The following PDE8A variants were observed in gnomAD, a reference collection of about 807,000 sequenced individuals.
PDE8A encodes the protein high affinity cAMP-specific and IBMX-insensitive 3',5'-cyclic phosphodiesterase 8A.
PDE8A carries 59 observed loss-of-function variants against 105.0 expected under a neutral mutation model. The observed-to-expected ratio is 0.56, with a 90% confidence interval of 0.46 to 0.70. The LOEUF is 0.70. Among genes scored for constraint, PDE8A ranks in the 30% least tolerant of loss-of-function variants. The probability of loss-of-function intolerance (pLI) is 0.00; values close to 1 mark genes in which losing one functional copy is unlikely to be tolerated. For synonymous variants in PDE8A, 355 were observed against 371.9 expected, an observed-to-expected ratio of 0.95 and a Z score of 0.52; for missense variants, 1,014 against 1,045.9, an observed-to-expected ratio of 0.97 and a Z score of 0.42.
chr15:85,103,143 A>G lies in PDE8A; in HGVS notation c.1036+2945A>G, dbSNP rs933180773. 4.9e-4 allele frequency among the ~76,000 whole-genome samples: 74 copies of G among 151,862 alleles called. 1 individual carries two copies. The highest frequency in any genetic ancestry group is 1.5e-5 in the Non-Finnish European group (1 of 67,950). ...AGGCTGAGGCACGAGAATTGCTTGA[A>G]CCTAGGAGGCAGAGGCTGCAGTGAG... On this transcript the variant is annotated intron_variant, in intron 11 of 21. Transcript: ENST00000394553.
intron 1 of PDE8A, among the ~76,000 whole-genome samples, chr15:85,035,243 T>C (rs549252170): frequency 7.1e-6 from 1 of 140,034 alleles, no homozygotes; most frequent in East Asian, 2.2e-4. Flanking sequence ...TGTTTCCCTC[T>C]TGTCACCCAG....
rs192869498 is a variant in PDE8A, at chr15:85,088,271, C to T, written c.636-1067C>T. Reference sequence around the variant, plus strand: ...AACTGCTGACCTCAGGTGATCCACCCGCCTCAGCCTCCCAAAGTGTTGGGA... The same window carrying T: ...AACTGCTGACCTCAGGTGATCCACCTGCCTCAGCCTCCCAAAGTGTTGGGA... On this transcript the variant is annotated intron_variant, in intron 6 of 21. Coordinates refer to ENST00000394553, the MANE Select transcript of PDE8A (RefSeq NM_002605.3). 3.9e-5 allele frequency among the ~76,000 whole-genome samples: 6 copies of T among 152,322 alleles called. No homozygotes were observed. In the South Asian group the frequency reaches 8.3e-4, roughly 21 times the overall value.
chr15:85,009,970 C>T (rs1434301716), intron 1 of PDE8A, among the ~76,000 whole-genome samples: 1 of 152,186 alleles, frequency 6.6e-6, no homozygotes, highest in Non-Finnish European at 1.5e-5. Flanking sequence ...CTACATGCAA[C>T]ACCATGCATG....
intron 1 of PDE8A, among the ~76,000 whole-genome samples, chr15:85,024,547 C>CAAAAAT (rs2080481910): frequency 6.8e-6 from 1 of 146,036 alleles, no homozygotes; most frequent in South Asian, 2.1e-4. Context: ...CTTGCTTAGG[C>CAAAAAT]TTTTTTTTTT....
chr15:85,022,051 A>G (rs144842663), intron 1 of PDE8A, among the ~76,000 whole-genome samples: 1 of 152,346 alleles, frequency 6.6e-6, no homozygotes, highest in African/African-American at 2.4e-5. Flanking sequence ...AATTCTCTTA[A>G]TCATTAAGCT....
chr15:85,123,391 G>A (rs1199587431), intron 19 of PDE8A, among the ~76,000 whole-genome samples, 198 bp downstream of exon 19: 2 of 134,388 alleles, frequency 1.5e-5, no homozygotes, highest in African/African-American at 5.8e-5. Flanking sequence ...CACACAAAGG[G>A]GAGTTTATTA....
In PDE8A at chr15:85,037,299, A is replaced by T. The variant is rs376452119; in HGVS notation, c.187-27071A>T. 4.6e-5 allele frequency among the ~76,000 whole-genome samples: 7 copies of T among 152,114 alleles called. No homozygotes were observed. The East Asian group carries it at 9.6e-4, about 21-fold the overall frequency. ...ACACTGGTCTCAAACTCCCAACCTCAGGTGATCTGCCCGCCTCTGCCTCCC... is the reference window on the plus strand; with the variant it reads ...ACACTGGTCTCAAACTCCCAACCTCTGGTGATCTGCCCGCCTCTGCCTCCC... On this transcript the variant is annotated intron_variant, in intron 1 of 21. Coordinates refer to ENST00000394553, the MANE Select transcript of PDE8A (RefSeq NM_002605.3).
intron 1 of PDE8A, among the ~76,000 whole-genome samples, chr15:84,983,381 G>A (rs1163423324): frequency 6.6e-6 from 1 of 152,162 alleles, no homozygotes; most frequent in Non-Finnish European, 1.5e-5. Context: ...TTCCTTGCTT[G>A]CTGAGAACTG....
chr15:85,138,191 T>C lies in PDE8A; in HGVS notation c.*288T>C, dbSNP rs1259789915. 9.7e-6 allele frequency: 3 copies of C among 308,410 alleles called. No individual in the cohort carries two copies. The highest frequency in any genetic ancestry group is 6.3e-5 in the African/African-American group (3 of 47,386). 19.1% of individuals were successfully genotyped at this position (308,410 alleles called of 1,614,324 possible). A position where few individuals can be genotyped will look rare whatever the true frequency, so the allele number is the denominator to read the frequency against. Reference sequence around the variant, plus strand: ...TTCTGGTAAAACACAAGGTCTGGAGTGCCCCTGCAAAGGGTATTGATGGAC... The same window carrying C: ...TTCTGGTAAAACACAAGGTCTGGAGCGCCCCTGCAAAGGGTATTGATGGAC... On this transcript the variant is annotated 3_prime_UTR_variant, in exon 22 of 22. Coordinates refer to ENST00000394553, the MANE Select transcript of PDE8A (RefSeq NM_002605.3).
At chr15:85,128,688 A>G (rs377219701) in intron 20 of PDE8A, among the ~76,000 whole-genome samples, 15 of 152,240 alleles carry the variant, frequency 9.9e-5, no homozygotes, top group East Asian at 3.8e-4. Context: ...CTCAGTAGTA[A>G]AAGATAAACC....
chr15:85,009,282 G>A (rs2080202845), intron 1 of PDE8A, among the ~76,000 whole-genome samples: 1 of 152,154 alleles, frequency 6.6e-6, no homozygotes, highest in Non-Finnish European at 1.5e-5. Flanking sequence ...GTTAATGTAA[G>A]AGATGTAAAA....
At chr15:85,040,430 TTTTTG>T (rs1369044863) in intron 1 of PDE8A, among the ~76,000 whole-genome samples, 5 of 151,802 alleles carry the variant, frequency 3.3e-5, no homozygotes, top group African/African-American at 1.2e-4. Flanking sequence ...AAGTCTCCTC[TTTTTG>T]TTTTATTTCT....
At chr15:85,073,132 G>T (rs1332455564) in intron 3 of PDE8A, among the ~76,000 whole-genome samples, 3 of 152,106 alleles carry the variant, frequency 2.0e-5, no homozygotes, top group Non-Finnish European at 4.4e-5. Context: ...AGTGGGGTGG[G>T]TGGGGACTTC....
chr15:85,046,065 C>CTTTTTTT (rs34486009), intron 1 of PDE8A, among the ~76,000 whole-genome samples: 1 of 124,448 alleles, frequency 8.0e-6, no homozygotes, highest in Non-Finnish European at 1.7e-5. Flanking sequence ...CTTTCTGTTT[C>CTTTTTTT]TTTTTTTTTT....
chr15:85,118,456 C>A (rs1237180548), intron 17 of PDE8A, among the ~76,000 whole-genome samples: 1 of 152,192 alleles, frequency 6.6e-6, no homozygotes, highest in Non-Finnish European at 1.5e-5. Context: ...CCTTTCGCAT[C>A]TGGGCAGTTC....
chr15:85,019,943 G>GTTTTTTTTTTTT (rs201634002), intron 1 of PDE8A, among the ~76,000 whole-genome samples: 22 of 64,756 alleles, frequency 3.4e-4, no homozygotes, highest in East Asian at 5.8e-4. Context: ...TTTTTTTTTG[G>GTTTTTTTTTTTT]TTTTTTTTTT....
chr15:85,052,406 C>A (rs1264440063), intron 1 of PDE8A, among the ~76,000 whole-genome samples: 1 of 152,194 alleles, frequency 6.6e-6, no homozygotes, highest in East Asian at 1.9e-4. Context: ...ACACTGTCTT[C>A]CACAGTGGTT....
chr15:84,982,207 C>G lies in PDE8A; in HGVS notation c.45C>G (p.Ala15=). The G allele has an allele frequency of 6.7e-7, 1 of 1,484,394 alleles. No individual in the cohort carries two copies. The highest frequency in any genetic ancestry group is 8.9e-7 in the Non-Finnish European group (1 of 1,126,716). 92.0% of individuals were successfully genotyped at this position (1,484,394 alleles called of 1,614,324 possible). A position where few individuals can be genotyped will look rare whatever the true frequency, so the allele number is the denominator to read the frequency against. ...PSIHISERLV[A]EDAPSPAAPP... ...TCCACATTTCCGAGCGCCTGGTGGC[C>G]GAGGACGCGCCTAGCCCCGCGGCAC... The change falls in exon 1 of 22, where the codon GCC becomes GCG. Residue 15 remains alanine, a synonymous_variant. Coordinates refer to ENST00000394553, the MANE Select transcript of PDE8A (RefSeq NM_002605.3).
intron 17 of PDE8A, among the ~76,000 whole-genome samples, chr15:85,118,349 C>T (rs1194091460): frequency 1.3e-5 from 2 of 152,120 alleles, no homozygotes; most frequent in Non-Finnish European, 2.9e-5. Flanking sequence ...ACTCCTCAAC[C>T]CCCCACATCT....
Sources: gnomAD v4.1 joint callset for allele counts (sites outside exome capture counted in the v4.1 genomes callset) on GRCh38, gnomAD v4.1.1 for gene constraint, MANE v1.5 for transcripts, NCBI Gene and HGNC (gene_info 2026-07-23, HGNC 2026-07-21) for gene names.